SVEP1: variants seen among roughly 807,000 people sequenced by gnomAD.
SVEP1 encodes the protein sushi, von Willebrand factor type A, EGF and pentraxin domain-containing protein 1.
In SVEP1, 164 loss-of-function variants were observed where a neutral mutation model predicts 367.3. That is an observed-to-expected ratio of 0.45 (90% CI 0.39 to 0.51). The LOEUF (loss-of-function observed/expected upper bound fraction) is 0.51, where lower values mean the gene tolerates loss of function less well. Ranked by LOEUF, SVEP1 falls within the 20% of genes least tolerant of loss-of-function variation. The probability of loss-of-function intolerance (pLI) is 0.00; values close to 1 mark genes in which losing one functional copy is unlikely to be tolerated. For synonymous variants in SVEP1, 1,666 were observed against 1,611.6 expected (o/e 1.03, Z -0.81); for missense variants, 4,117 against 4,425.3 (o/e 0.93, Z 1.98).
intron 1 of SVEP1, among the ~76,000 whole-genome samples, chr9:110,557,480 C>T (rs1830369609): frequency 6.6e-6 from 1 of 151,608 alleles, no homozygotes; most frequent in South Asian, 2.1e-4. Context: ...TCCCTCCCTT[C>T]CTGCCTCCCT....
chr9:110,402,686 A>G (rs1056692006), intron 39 of SVEP1, among the ~76,000 whole-genome samples: 3 of 152,230 alleles, frequency 2.0e-5, no homozygotes, highest in Non-Finnish European at 4.4e-5. Flanking sequence ...AACCTGGAGA[A>G]CAACAATTTG....
chr9:110,402,353 T>C (rs547397960), intron 39 of SVEP1, among the ~76,000 whole-genome samples: 2 of 152,276 alleles, frequency 1.3e-5, no homozygotes, highest in Admixed American at 1.3e-4. Flanking sequence ...TATTCATTTT[T>C]CAAAATTTGT....
At chr9:110,508,814 C>T (rs1047563253) in intron 5 of SVEP1, among the ~76,000 whole-genome samples, 1 of 136,992 alleles carries the variant, frequency 7.3e-6, no homozygotes, top group Non-Finnish European at 1.6e-5. Flanking sequence ...TCAGATAAAA[C>T]TGAAAATGAG....
chr9:110,435,181 G>A (rs1828414592), intron 29 of SVEP1, 60 bp downstream of exon 29: 1 of 1,581,288 alleles, frequency 6.3e-7, no homozygotes, highest in South Asian at 1.2e-5. Flanking sequence ...GTCTTCTTTT[G>A]CTAGACAGTC....
intron 6 of SVEP1, among the ~76,000 whole-genome samples, chr9:110,502,601 T>C (rs2118753504): frequency 6.6e-6 from 1 of 152,314 alleles, no homozygotes. Flanking sequence ...TTCAGTTGAA[T>C]GTTCAGTTAT....
chr9:110,393,101 C>A (rs1293095852), intron 40 of SVEP1, among the ~76,000 whole-genome samples: 1 of 152,172 alleles, frequency 6.6e-6, no homozygotes, highest in Non-Finnish European at 1.5e-5. Flanking sequence ...TATATTTCCA[C>A]AAATTTTTAA....
In SVEP1 at chr9:110,499,223, G is replaced by A. The variant is rs1829495228; in HGVS notation, c.1499C>T (p.Thr500Ile). The A allele has an allele frequency of 6.2e-7, 1 of 1,612,956 alleles. No individual in the cohort carries two copies. The highest frequency in any genetic ancestry group is 8.5e-7 in the Non-Finnish European group (1 of 1,179,332). ...EPRCVERHCS[T>I]FQMPKDVIIS... ...GATGACATCTTTGGGCATCTGAAAG[G>A]TGGAACAGTGGCGCTCTACGGTAGG... The change falls in exon 7 of 48, where the codon ACC (threonine) becomes ATC (isoleucine). Residue 500 changes from threonine (T) to isoleucine (I), a missense_variant. Coordinates refer to ENST00000374469, the MANE Select transcript of SVEP1 (RefSeq NM_153366.4).
intron 8 of SVEP1, among the ~76,000 whole-genome samples, chr9:110,492,537 C>A (rs1829383576): frequency 6.6e-6 from 1 of 151,968 alleles, no homozygotes; most frequent in Non-Finnish European, 1.5e-5. Context: ...TATATAATTG[C>A]AGCTACAGTC....
chr9:110,578,565 G>T (rs184421708), intron 1 of SVEP1, among the ~76,000 whole-genome samples: 23 of 152,238 alleles, frequency 1.5e-4, no homozygotes, highest in African/African-American at 5.5e-4. Context: ...TCTAATAAAG[G>T]ATTGGAGCAA....
At chr9:110,433,925 C>A (rs1272507313) in intron 30 of SVEP1, among the ~76,000 whole-genome samples, 1 of 152,118 alleles carries the variant, frequency 6.6e-6, no homozygotes, top group African/African-American at 2.4e-5. Flanking sequence ...GCTTTTTCCC[C>A]TGAACTGCTG....
At chr9:110,539,514 C>A (rs1476551648) in intron 3 of SVEP1, among the ~76,000 whole-genome samples, 1 of 151,686 alleles carries the variant, frequency 6.6e-6, no homozygotes, top group Non-Finnish European at 1.5e-5. Flanking sequence ...TTAGGTTGAA[C>A]AATATGAAGA....
intron 11 of SVEP1, among the ~76,000 whole-genome samples, chr9:110,481,964 C>T (rs890175337): frequency 4.6e-5 from 7 of 152,080 alleles, no homozygotes; most frequent in Non-Finnish European, 1.0e-4. Context: ...CCACCCGCCT[C>T]GGCCTCCCAA....
intron 40 of SVEP1, among the ~76,000 whole-genome samples, chr9:110,393,696 A>G (rs1193295036): frequency 6.6e-6 from 1 of 152,248 alleles, no homozygotes; most frequent in Non-Finnish European, 1.5e-5. Flanking sequence ...AAAAACAGCA[A>G]ACCAGGAGAT....
Position 110,429,236 on chromosome 9 carries a change from C to A in SVEP1, c.5714G>T (p.Cys1905Phe). Reference protein sequence around the residue: ...HSPPVCEPVKCSSPENINNGK... With the variant: ...HSPPVCEPVKFSSPENINNGK... ...ATTATTTATATTTTCCGGACTAGAA[C>A]ACTTCACTGGTTCACACACAGGAGG... The change falls in exon 35 of 48, where the codon TGT becomes TTT. Residue 1905 changes from cysteine (C) to phenylalanine (F), a missense_variant. Cys to Phe is a radical substitution (Grantham distance 205). Coordinates refer to ENST00000374469, the MANE Select transcript of SVEP1 (RefSeq NM_153366.4). The A allele has an allele frequency of 6.3e-7, 1 of 1,596,232 alleles. No homozygotes were observed.
chr9:110,570,970 C>CTTTTTT (rs374900472), intron 1 of SVEP1, among the ~76,000 whole-genome samples: 7 of 114,920 alleles, frequency 6.1e-5, no homozygotes, highest in Non-Finnish European at 9.0e-5. Flanking sequence ...CAGATGGCTC[C>CTTTTTT]TTTTTTTTTT....
intron 3 of SVEP1, among the ~76,000 whole-genome samples, chr9:110,537,168 T>G (rs552868026): frequency 6.6e-6 from 1 of 151,962 alleles, no homozygotes. Flanking sequence ...AAGAATTGAG[T>G]GACATCAATT....
At chr9:110,493,096 C>G (rs996747593) in intron 8 of SVEP1, among the ~76,000 whole-genome samples, 4 of 152,076 alleles carry the variant, frequency 2.6e-5, no homozygotes, top group African/African-American at 9.7e-5. Context: ...CTGCCCTACA[C>G]TCTGCTCTAG....
chr9:110,463,840 T>C (rs1052492245), intron 18 of SVEP1, among the ~76,000 whole-genome samples: 1 of 152,100 alleles, frequency 6.6e-6, no homozygotes, highest in Admixed American at 6.5e-5. Flanking sequence ...AATAAAATGT[T>C]TATCCAGCAC....
chr9:110,511,182 A>T (rs961426233), intron 5 of SVEP1, among the ~76,000 whole-genome samples: 1 of 151,826 alleles, frequency 6.6e-6, no homozygotes, highest in Non-Finnish European at 1.5e-5. Flanking sequence ...TGTTTTTAAT[A>T]TTTTTTTTGT....
Sources: allele counts gnomAD v4.1 joint callset (sites outside exome capture counted in the v4.1 genomes callset), GRCh38; gene constraint gnomAD v4.1.1; transcripts MANE v1.5; gene names NCBI Gene and HGNC (gene_info 2026-07-23, HGNC 2026-07-21).